Variants in KIF1C observed in about 807,000 individuals in gnomAD.
KIF1C encodes kinesin-like protein KIF1C.
KIF1C carries 61 observed loss-of-function variants against 126.5 expected under a neutral mutation model. The ratio of observed to expected loss-of-function variants is 0.48; its 90% CI spans 0.39 to 0.60. The LOEUF is 0.60. Among genes scored for constraint, KIF1C ranks in the 20% least tolerant of loss-of-function variants. The probability of loss-of-function intolerance (pLI) is 0.00; values close to 1 mark genes in which losing one functional copy is unlikely to be tolerated. For missense variants in KIF1C, 1,315 were observed against 1,489.2 expected, an observed-to-expected ratio of 0.88 and a Z score of 1.93; for synonymous variants, 640 against 580.6, an observed-to-expected ratio of 1.10 and a Z score of -1.47.
chr17:5,002,007 T>C (rs1025520727), intron 5 of KIF1C, 52 bp from the exon 6 acceptor site: 40 of 1,548,142 alleles, frequency 2.6e-5, no homozygotes, highest in South Asian at 2.1e-4. Flanking sequence ...CTGGACACTT[T>C]AGGTGTGCCC....
In KIF1C at chr17:5,024,253, G is replaced by C; in HGVS notation, c.*102G>C. 1 of 833,110 alleles carries C rather than the reference G, an allele frequency of 1.2e-6. No individual in the cohort carries two copies. The highest frequency in any genetic ancestry group is 1.7e-5 in the South Asian group (1 of 57,238). 51.6% of individuals were successfully genotyped at this position (833,110 alleles called of 1,614,324 possible). A position where few individuals can be genotyped will look rare whatever the true frequency, so the allele number is the denominator to read the frequency against. On this transcript the variant is annotated 3_prime_UTR_variant, in exon 23 of 23. Transcript: ENST00000320785. Reference sequence around the variant, plus strand: ...AGAAGTGCTGGGGCAGGGAGGCCCAGGAGATGAGAGAGAAGGTCCGAGTAG... The same window carrying C: ...AGAAGTGCTGGGGCAGGGAGGCCCACGAGATGAGAGAGAAGGTCCGAGTAG...
intron 16 of KIF1C, 68 bp from the exon 17 acceptor site, chr17:5,013,585 G>T (rs947179493): frequency 2.6e-6 from 3 of 1,153,774 alleles, no homozygotes; most frequent in East Asian, 2.4e-5. Context: ...TCCTCCCACC[G>T]CTCCCTTTCT....
At chr17:4,998,937 C>G (rs949175273) in intron 1 of KIF1C, 4 of 152,424 alleles carry the variant, frequency 2.6e-5, no homozygotes, top group African/African-American at 9.6e-5. Flanking sequence ...TTCCCCAGGG[C>G]AGTGGACGCC....
chr17:5,009,661 G>T (rs142503102), intron 16 of KIF1C, among the ~76,000 whole-genome samples: 1 of 150,984 alleles, frequency 6.6e-6, no homozygotes, highest in Non-Finnish European at 1.5e-5. Context: ...GCTGGCGGGC[G>T]CCTGTAGTCC....
chr17:5,014,299 T>G, intron 17 of KIF1C: 1 of 165,354 alleles, frequency 6.0e-6, no homozygotes. Context: ...GGTGCCCGTT[T>G]CTCCCAGGTT....
chr17:5,023,667 A>G lies in KIF1C; in HGVS notation c.2828A>G (p.Lys943Arg), dbSNP rs1470355699. 6 of 1,609,612 alleles carry G rather than the reference A, an allele frequency of 3.7e-6. No individual in the cohort carries two copies. ...CGTCGTGGTCGTCTTCGCTGGCTCA[A>G]GCAGGAGCAGCTACGGCTGCAGGGA... is the stretch of plus-strand genomic sequence containing the variant. ...AFRRGRLRWLKQEQLRLQGLQ... is the reference protein window; with the variant it reads ...AFRRGRLRWLRQEQLRLQGLQ... Residue 943 changes from lysine (K) to arginine (R), a missense_variant, in exon 23 of 23, where the codon AAG (lysine) becomes AGG (arginine). By Grantham distance (26) the Lys-to-Arg change is conservative (BLOSUM62 2). This residue lies in a region of KIF1C where 441 missense variants were observed against 436.1 expected (regional missense o/e 1.01). Transcript: ENST00000320785. This position sits in a 1 kb window ranked among gnomAD's most constrained non-coding sequence, Gnocchi z 4.2.
chr17:5,021,214 C>T (rs1027341999), intron 21 of KIF1C, among the ~76,000 whole-genome samples: 3 of 143,118 alleles, frequency 2.1e-5, no homozygotes, highest in Admixed American at 7.2e-5. Flanking sequence ...CTCCTGTCAC[C>T]CAGGCTGGAA....
Position 5,006,915 on chromosome 17 carries a change from G to T in KIF1C, c.1166G>T (p.Gly389Val), listed in dbSNP as rs367987211. The change falls in exon 14 of 23, where the codon GGC becomes GTC. Residue 389 changes from glycine to valine, a missense_variant and splice_region_variant. This residue lies in a region of KIF1C where 874 missense variants were observed against 1,053.2 expected (regional missense o/e 0.83). Transcript: ENST00000320785. ...TCTTTTTCCTCTTTCTCCCTCCCAG[G>T]CCTGAAGACGGAAGAAGGGAGTGTC... ...AQGLSASALE[G>V]LKTEEGSVRG... 6.2e-6 allele frequency: 10 copies of T among 1,611,132 alleles called. No individual in the cohort carries two copies. The African/African-American group carries it at 9.4e-5, about 15-fold the overall frequency.
At chr17:5,005,839 G>A (rs1368554609) in intron 13 of KIF1C, among the ~76,000 whole-genome samples, 1 of 150,486 alleles carries the variant, frequency 6.6e-6, no homozygotes, top group African/African-American at 2.4e-5. Flanking sequence ...AGATTCTCCT[G>A]CCTCAGCCTC....
chr17:5,012,602 T>C (rs927113251), intron 16 of KIF1C, among the ~76,000 whole-genome samples: 5 of 151,874 alleles, frequency 3.3e-5, no homozygotes, highest in Non-Finnish European at 7.4e-5. Context: ...TGGAGAGGTC[T>C]CAGCAGAGAG....
At chr17:5,010,623 T>C (rs1974842101) in intron 16 of KIF1C, among the ~76,000 whole-genome samples, 1 of 151,052 alleles carries the variant, frequency 6.6e-6, no homozygotes, top group African/African-American at 2.4e-5. Context: ...GGCGGGCACC[T>C]GTAGTCCCAG....
rs903976780 is a variant in KIF1C at position 5,023,308 on chromosome 17, T to C, written c.2629-160T>C. On this transcript the variant is annotated intron_variant, in intron 22 of 22. Coordinates refer to ENST00000320785, the MANE Select transcript of KIF1C (RefSeq NM_006612.6). This position sits in a 1 kb window ranked among gnomAD's most constrained non-coding sequence, Gnocchi z 4.2. ...TGCTGCGATTACAGGCGTGAGCCAC[T>C]GCGCCCGGCCCTAAACCACTATTTT... 1.3e-5 allele frequency among the ~76,000 whole-genome samples: 2 copies of C among 152,162 alleles called. No homozygotes were observed. The highest frequency in any genetic ancestry group is 2.4e-5 in the African/African-American group (1 of 41,430).
intron 4 of KIF1C, among the ~76,000 whole-genome samples, 167 bp downstream of exon 4, chr17:5,001,015 G>C (rs1044472927): frequency 2.6e-5 from 4 of 152,002 alleles, no homozygotes; most frequent in Non-Finnish European, 5.9e-5. Context: ...TTGAGGCCTC[G>C]ACAGGAAGGC....
In KIF1C at chr17:5,027,759, G is replaced by GT. The variant is rs1975233239; in HGVS notation, c.*3611dup. On this transcript the variant is annotated 3_prime_UTR_variant, in exon 23 of 23. Coordinates refer to ENST00000320785, the MANE Select transcript of KIF1C (RefSeq NM_006612.6). ...TTTGGGAGGCGGAGGCGGGAGGACT[G>GT]TTTGAGCTCAGGAGTTTGAGACCAG... 1 of 152,130 alleles carries GT rather than the reference G, an allele frequency of 6.6e-6. No individual in the cohort carries two copies. The highest frequency in any genetic ancestry group is 2.4e-5 in the African/African-American group (1 of 41,362). The allele number at this position is 152,130 out of a possible 1,614,324, so 9.4% of individuals were successfully genotyped here. A position where few individuals can be genotyped will look rare whatever the true frequency, so the allele number is the denominator to read the frequency against.
Position 5,000,225 on chromosome 17 carries a change from G to A in KIF1C, c.-22G>A. 2.0e-6 allele frequency: 3 copies of A among 1,524,346 alleles called. No individual in the cohort carries two copies. The highest frequency in any genetic ancestry group is 2.7e-6 in the Non-Finnish European group (3 of 1,120,514). The allele number at this position is 1,524,346 out of a possible 1,614,324, so 94.4% of individuals were successfully genotyped here. A position where few individuals can be genotyped will look rare whatever the true frequency, so the allele number is the denominator to read the frequency against. On this transcript the variant is annotated 5_prime_UTR_variant, in exon 3 of 23. Coordinates refer to ENST00000320785, the MANE Select transcript of KIF1C (RefSeq NM_006612.6). ...CTCCTTTCTCTGTCCTCCAGCTGAGGAGGGCAGGAGTGTCTGGAGCTATGG... is the reference window on the plus strand; with the variant it reads ...CTCCTTTCTCTGTCCTCCAGCTGAGAAGGGCAGGAGTGTCTGGAGCTATGG...
intron 13 of KIF1C, among the ~76,000 whole-genome samples, chr17:5,006,174 T>C (rs1361034395): frequency 6.7e-6 from 1 of 148,892 alleles, no homozygotes; most frequent in Admixed American, 6.7e-5. Flanking sequence ...GCCATTGCAC[T>C]CCAGCCTAGC....
chr17:5,004,067 A>T lies in KIF1C; in HGVS notation c.934A>T (p.Asn312Tyr). The T allele has an allele frequency of 1.2e-6, 2 of 1,612,706 alleles. No individual in the cohort carries two copies. The highest frequency in any genetic ancestry group is 2.2e-5 in the South Asian group (2 of 91,060). ...TGTGCTCACCTGGCTGCTCAAGGAA[A>T]ATTTGGGTGAGGGCCTCTTCCTCTT... ...DSVLTWLLKE[N>Y]LGGNSRTAMI... The change falls in exon 11 of 23, where the codon AAT (asparagine) becomes TAT (tyrosine). Residue 312 changes from asparagine (N) to tyrosine (Y), a missense_variant. Around this residue, in one of 2 missense-constraint regions of KIF1C, gnomAD observed 874 missense variants for 1,053.2 expected, o/e 0.83. Coordinates refer to ENST00000320785, the MANE Select transcript of KIF1C (RefSeq NM_006612.6).
Position 5,023,739 on chromosome 17 carries a change from C to T in KIF1C, c.2900C>T (p.Ala967Val). The change falls in exon 23 of 23, where the codon GCC becomes GTC. Residue 967 changes from alanine (A) to valine (V), a missense_variant. By Grantham distance (64) the Ala-to-Val change is moderately conservative (BLOSUM62 0). This residue lies in a region of KIF1C where 441 missense variants were observed against 436.1 expected (regional missense o/e 1.01). Coordinates refer to ENST00000320785, the MANE Select transcript of KIF1C (RefSeq NM_006612.6). This position sits in a 1 kb window ranked among gnomAD's most constrained non-coding sequence, Gnocchi z 4.2. ...GGCGGGGGGCTGCGCAGGCCCCCAG[C>T]CCGCTTTGTGCCCCCTCACGACTGC... is the stretch of plus-strand genomic sequence containing the variant. The part of the protein sequence containing the change: ...GRGGGLRRPP[A>V]RFVPPHDCKL... The T allele has an allele frequency of 6.6e-7, 1 of 1,526,200 alleles. No individual in the cohort carries two copies. Among genetic ancestry groups the T allele is most frequent in the Non-Finnish European group, 8.8e-7 (1 of 1,139,636 alleles). The allele number at this position is 1,526,200 out of a possible 1,614,324, so 94.5% of individuals were successfully genotyped here. A position where few individuals can be genotyped will look rare whatever the true frequency, so the allele number is the denominator to read the frequency against.
Position 5,022,777 on chromosome 17 carries a change from A to G in KIF1C, c.2628+68A>G. 7.0e-7 allele frequency: 1 copy of G among 1,421,628 alleles called. No individual in the cohort carries two copies. 88.1% of individuals were successfully genotyped at this position (1,421,628 alleles called of 1,614,324 possible). On this transcript the variant is annotated intron_variant, in intron 22 of 22. Coordinates refer to ENST00000320785, the MANE Select transcript of KIF1C (RefSeq NM_006612.6). This position sits in a 1 kb window ranked among gnomAD's most constrained non-coding sequence, Gnocchi z 4.9. ...TTCACTTTAGGAGTCTGAACCTTCC[A>G]TCTCAGAGCCTAACCTTCCCCAAGT... is the stretch of plus-strand genomic sequence containing the variant.
Sources: allele counts gnomAD v4.1 joint callset (sites outside exome capture counted in the v4.1 genomes callset), GRCh38; gene constraint gnomAD v4.1.1; regional missense constraint gnomAD v4.1.1; non-coding constraint Gnocchi (gnomAD v3.1); transcripts MANE v1.5; gene names NCBI Gene and HGNC (gene_info 2026-07-23, HGNC 2026-07-21).